Variants in NCALD observed in about 807,000 individuals in gnomAD.
NCALD encodes the protein neurocalcin delta.
Under a neutral mutation model 18.6 loss-of-function variants are expected in NCALD, and 10 were observed. The ratio of observed to expected loss-of-function variants is 0.54; its 90% CI spans 0.33 to 0.91. The LOEUF is 0.91. NCALD is among the 40% of genes least tolerant of loss of function. The pLI, the probability that NCALD is intolerant of heterozygous loss-of-function variation, is 0.03. For missense variants in NCALD, 184 were observed against 247.6 expected (o/e 0.74, Z 1.72); for synonymous variants, 88 against 87.4 (o/e 1.01, Z -0.04).
intron 4 of NCALD, among the ~76,000 whole-genome samples, chr8:101,796,224 A>G (rs1432722888): frequency 6.6e-6 from 1 of 152,224 alleles, no homozygotes; most frequent in Non-Finnish European, 1.5e-5. Flanking sequence ...TACCTTCCAG[A>G]AAAATCGACC....
intron 2 of NCALD, among the ~76,000 whole-genome samples, chr8:101,694,915 C>G (rs1057305437): frequency 6.6e-5 from 10 of 152,166 alleles, no homozygotes; most frequent in Non-Finnish European, 1.5e-4. Context: ...TATTTAGTAA[C>G]AGTAGACAGC....
At chr8:101,971,246 C>T (rs966163078) in intron 2 of NCALD, among the ~76,000 whole-genome samples, 2 of 152,152 alleles carry the variant, frequency 1.3e-5, no homozygotes, top group South Asian at 2.1e-4. Context: ...CAGTGTGTAT[C>T]GTGGTCTTCA....
chr8:101,978,696 A>C (rs1466614797), intron 2 of NCALD, among the ~76,000 whole-genome samples: 3 of 152,138 alleles, frequency 2.0e-5, no homozygotes, highest in Non-Finnish European at 2.9e-5. Flanking sequence ...AGCCTCTAAC[A>C]TGCATGAGGG....
intron 2 of NCALD, among the ~76,000 whole-genome samples, chr8:101,716,327 T>G (rs1408253646): frequency 2.7e-5 from 4 of 150,720 alleles, no homozygotes; most frequent in Admixed American, 6.6e-5. Flanking sequence ...TGGGGGGTGG[T>G]GGGCAAGGGG....
intron 1 of NCALD, among the ~76,000 whole-genome samples, chr8:101,722,280 T>TA (rs1001020762): frequency 5.3e-5 from 8 of 152,152 alleles, no homozygotes; most frequent in South Asian, 2.1e-4. Flanking sequence ...CCCTGGAGAT[T>TA]AAAAAAACAG....
At chr8:101,957,010 G>A (rs552977832) in intron 2 of NCALD, among the ~76,000 whole-genome samples, 90 of 152,172 alleles carry the variant, frequency 5.9e-4, no homozygotes, top group Non-Finnish European at 1.0e-3. Flanking sequence ...ATGAAAACAG[G>A]AAAGGTTTCT....
chr8:101,999,134 A>G (rs1821349889), intron 2 of NCALD, among the ~76,000 whole-genome samples: 1 of 151,870 alleles, frequency 6.6e-6, no homozygotes, highest in Non-Finnish European at 1.5e-5. Context: ...GTGATTCCAC[A>G]TAAGTCCCAT....
chr8:101,804,851 C>T (rs1394614363), intron 4 of NCALD, among the ~76,000 whole-genome samples: 1 of 151,332 alleles, frequency 6.6e-6, no homozygotes, highest in African/African-American at 2.4e-5. Context: ...TTCACTTTCA[C>T]TTTATTGCAG....
intron 1 of NCALD, among the ~76,000 whole-genome samples, chr8:101,763,631 A>G (rs1315313194): frequency 6.6e-6 from 1 of 152,170 alleles, no homozygotes; most frequent in Non-Finnish European, 1.5e-5. Flanking sequence ...TTGAGTCAGC[A>G]GACTAAGTAA....
chr8:101,957,857 G>T (rs757159737), intron 2 of NCALD, among the ~76,000 whole-genome samples: 1 of 152,184 alleles, frequency 6.6e-6, no homozygotes, highest in Non-Finnish European at 1.5e-5. Flanking sequence ...TTGGAATGGA[G>T]CCCCCAGGCT....
At chr8:101,811,737 C>A (rs991516790) in intron 4 of NCALD, among the ~76,000 whole-genome samples, 1 of 152,046 alleles carries the variant, frequency 6.6e-6, no homozygotes, top group African/African-American at 2.4e-5. Context: ...TGGGAGTGAA[C>A]CCATTACGGA....
rs568096724 is a variant in NCALD at position 102,055,947 on chromosome 8, A to T, written c.-209-35658T>A. On this transcript the variant is annotated intron_variant, in intron 1 of 6. Coordinates refer to the NCALD transcript ENST00000311028. ...ATCACAGGGAGCTCATGGTCGGCACAAAACAAACACTGAGAGGTATGTTTC... is the reference window on the plus strand; with the variant it reads ...ATCACAGGGAGCTCATGGTCGGCACTAAACAAACACTGAGAGGTATGTTTC... 2.0e-5 allele frequency among the ~76,000 whole-genome samples: 3 copies of T among 152,328 alleles called. No homozygotes were observed. In the East Asian group the frequency reaches 5.8e-4, roughly 29 times the overall value.
chr8:102,068,347 C>G (rs766448302), intron 1 of NCALD, among the ~76,000 whole-genome samples: 5 of 152,246 alleles, frequency 3.3e-5, no homozygotes, highest in Non-Finnish European at 5.9e-5. Flanking sequence ...GCCTCATTCA[C>G]AGCATCCGCT....
chr8:102,030,341 G>GA (rs1822624378), intron 1 of NCALD, among the ~76,000 whole-genome samples: 1 of 152,204 alleles, frequency 6.6e-6, no homozygotes, highest in African/African-American at 2.4e-5. Context: ...TAACATCCAG[G>GA]AAAAAACAAA....
At chr8:102,088,153 T>C (rs1259615764) in intron 1 of NCALD, among the ~76,000 whole-genome samples, 2 of 152,242 alleles carry the variant, frequency 1.3e-5, no homozygotes, top group African/African-American at 4.8e-5. Context: ...CCCAGGAAAC[T>C]GGTCAGTCAT....
At chr8:102,070,642 A>G (rs1433421672) in intron 1 of NCALD, among the ~76,000 whole-genome samples, 1 of 152,252 alleles carries the variant, frequency 6.6e-6, no homozygotes, top group East Asian at 1.9e-4. Flanking sequence ...AAAATAACTC[A>G]TCATGCATCT....
chr8:101,701,642 T>A (rs1815272646), intron 2 of NCALD, among the ~76,000 whole-genome samples: 1 of 152,208 alleles, frequency 6.6e-6, no homozygotes, highest in African/African-American at 2.4e-5. Context: ...TCTGCATTGA[T>A]CAAGGTTGTG....
chr8:102,041,853 A>G (rs1823060981), intron 1 of NCALD, among the ~76,000 whole-genome samples: 1 of 151,972 alleles, frequency 6.6e-6, no homozygotes, highest in Non-Finnish European at 1.5e-5. Flanking sequence ...TCAATTAATG[A>G]TCTTGGATAT....
At chr8:102,011,223 A>G (rs1024190484) in intron 2 of NCALD, among the ~76,000 whole-genome samples, 1 of 152,118 alleles carries the variant, frequency 6.6e-6, no homozygotes, top group Non-Finnish European at 1.5e-5. Flanking sequence ...CACAGACACA[A>G]ATACACCTTG....
Sources: allele counts gnomAD v4.1 joint callset (sites outside exome capture counted in the v4.1 genomes callset), GRCh38; gene constraint gnomAD v4.1.1; transcripts MANE v1.5; gene names NCBI Gene and HGNC (gene_info 2026-07-23, HGNC 2026-07-21).